The following SHCBP1 variants were observed in gnomAD, a reference collection of about 807,000 sequenced individuals.
The protein encoded by SHCBP1 is SHC binding and spindle associated 1.
A neutral mutation model predicts 75.1 loss-of-function variants in SHCBP1; 60 were observed. The ratio of observed to expected loss-of-function variants is 0.80; its 90% CI spans 0.65 to 0.99. The LOEUF (loss-of-function observed/expected upper bound fraction) is 0.99, where lower values mean the gene tolerates loss of function less well. Among genes scored for constraint, SHCBP1 ranks in the 50% least tolerant of loss-of-function variants. The pLI is 0.00. For missense variants in SHCBP1, 709 were observed against 809.4 expected, an observed-to-expected ratio of 0.88 and a Z score of 1.50; for synonymous variants, 290 against 293.2, an observed-to-expected ratio of 0.99 and a Z score of 0.11.
rs190062727 is a variant in SHCBP1 at position 46,600,298 on chromosome 16, C to G, written c.1214-336G>C. 2.6e-4 allele frequency among the ~76,000 whole-genome samples: 39 copies of G among 152,252 alleles called. 1 individual carries two copies. The highest frequency in any genetic ancestry group is 2.5e-3 in the Admixed American group (39 of 15,296). Reference sequence around the variant, plus strand: ...CCTAGGCAACACAGTGAGATTCCATCTCTACAAAAACCAAAAAAATTAGTC... The same window carrying G: ...CCTAGGCAACACAGTGAGATTCCATGTCTACAAAAACCAAAAAAATTAGTC... On this transcript the variant is annotated intron_variant, in intron 8 of 12. Transcript: ENST00000303383.
intron 10 of SHCBP1, among the ~76,000 whole-genome samples, chr16:46,587,395 A>C (rs557131145): frequency 1.3e-5 from 2 of 152,322 alleles, no homozygotes; most frequent in South Asian, 4.1e-4. Flanking sequence ...TAACAAACAG[A>C]AAACACGAAA....
In SHCBP1 at chr16:46,580,143, A is replaced by AT. The variant is rs558338612; in HGVS notation, c.*1585dup. ...CCATCTCAAAAAAAAAAAAAAAGTGATTTTTTTTTAAGTTGAATAAATGGT... is the reference window on the plus strand; with the variant it reads ...CCATCTCAAAAAAAAAAAAAAAGTGATTTTTTTTTTAAGTTGAATAAATGGT... On this transcript the variant is annotated 3_prime_UTR_variant, in exon 13 of 13. Coordinates refer to ENST00000303383, the MANE Select transcript of SHCBP1 (RefSeq NM_024745.5). Among the ~76,000 whole-genome samples the AT allele has an allele frequency of 1.2e-3, 178 of 150,046 alleles. 1 individual carries two copies. Among genetic ancestry groups the AT allele is most frequent in the Admixed American group, 1.1e-3 (16 of 14,992 alleles).
Position 46,614,133 on chromosome 16 carries a change from C to T in SHCBP1, c.596+1813G>A, listed in dbSNP as rs116770618. ...AGTTATTTTGGTTCTGGACAGAAACCGGTTCTTTAGATTCATTCTGCTTGG... is the reference window on the plus strand; with the variant it reads ...AGTTATTTTGGTTCTGGACAGAAACTGGTTCTTTAGATTCATTCTGCTTGG... On this transcript the variant is annotated intron_variant, in intron 4 of 12. Coordinates refer to ENST00000303383, the MANE Select transcript of SHCBP1 (RefSeq NM_024745.5). 5.0e-3 allele frequency among the ~76,000 whole-genome samples: 754 copies of T among 151,920 alleles called. 2 individuals carry two copies. The highest frequency in any genetic ancestry group is 0.017 in the African/African-American group (710 of 41,398).
chr16:46,594,676 C>T (rs1965106452), intron 10 of SHCBP1, among the ~76,000 whole-genome samples: 1 of 151,806 alleles, frequency 6.6e-6, no homozygotes, highest in Non-Finnish European at 1.5e-5. Flanking sequence ...AACATTTTAG[C>T]GGTTTCTTTA....
chr16:46,605,875 G>A (rs930169604), intron 5 of SHCBP1, among the ~76,000 whole-genome samples: 1 of 151,196 alleles, frequency 6.6e-6, no homozygotes, highest in Middle Eastern at 3.4e-3. Flanking sequence ...AACTTTTCCC[G>A]CTTTTCAAGT....
At chr16:46,611,295 G>A (rs886298243) in intron 4 of SHCBP1, among the ~76,000 whole-genome samples, 3 of 152,188 alleles carry the variant, frequency 2.0e-5, no homozygotes, top group Non-Finnish European at 4.4e-5. Flanking sequence ...ACAAATTACT[G>A]TCAAACAAAA....
rs538879057 is a variant in SHCBP1, at chr16:46,612,710, C to T, written c.596+3236G>A. On this transcript the variant is annotated intron_variant, in intron 4 of 12. Coordinates refer to ENST00000303383, the MANE Select transcript of SHCBP1 (RefSeq NM_024745.5). Reference sequence around the variant, plus strand: ...TCAAGCTGCCAGAAGTGCCTTCCACCTTTTCCACCTGGTAAGCTTATAGTT... The same window carrying T: ...TCAAGCTGCCAGAAGTGCCTTCCACTTTTTCCACCTGGTAAGCTTATAGTT... Among the ~76,000 whole-genome samples, 3 of 152,270 alleles carry T rather than the reference C, an allele frequency of 2.0e-5. No individual in the cohort carries two copies. The East Asian group carries it at 5.8e-4, about 29-fold the overall frequency.
intron 4 of SHCBP1, among the ~76,000 whole-genome samples, chr16:46,615,415 A>C (rs563348729): frequency 6.6e-6 from 1 of 152,174 alleles, no homozygotes; most frequent in Non-Finnish European, 1.5e-5. Context: ...CAGCTTTTCT[A>C]TAAGTTTGAA....
At chr16:46,585,965 C>T (rs1964949896) in intron 10 of SHCBP1, among the ~76,000 whole-genome samples, 1 of 152,188 alleles carries the variant, frequency 6.6e-6, no homozygotes. Flanking sequence ...CAAGATGATA[C>T]CCATCTACCG....
Position 46,618,346 on chromosome 16 carries a change from T to C in SHCBP1, c.130A>G (p.Ser44Gly), listed in dbSNP as rs992649575. 16 of 1,602,524 alleles carry C rather than the reference T, an allele frequency of 1.0e-5. No homozygotes were observed. Among genetic ancestry groups the C allele is most frequent in the Non-Finnish European group, 1.4e-5 (16 of 1,176,918 alleles). ...KGLFQDEDSC[S>G]DCSYRDKPGS... is the part of the protein sequence containing the mutation. ...GGTTTATCACGGTAGCTACAATCAC[T>C]GCATGAATCTTCATCTTGGAACAAA... Residue 44 changes from serine (S) to glycine (G), a missense_variant, in exon 2 of 13, where the codon AGT (serine) becomes GGT (glycine). Physicochemically the swap from Ser to Gly is moderately conservative, Grantham distance 56. Transcript: ENST00000303383.
At chr16:46,588,209 A>C (rs1461892733) in intron 10 of SHCBP1, among the ~76,000 whole-genome samples, 1 of 152,226 alleles carries the variant, frequency 6.6e-6, no homozygotes, top group Non-Finnish European at 1.5e-5. Context: ...TGCCCACAAG[A>C]GAAAGCAGGA....
At chr16:46,619,648 A>G (rs1488460983) in intron 1 of SHCBP1, among the ~76,000 whole-genome samples, 1 of 152,266 alleles carries the variant, frequency 6.6e-6, no homozygotes, top group Non-Finnish European at 1.5e-5. Context: ...AAGAAATAGT[A>G]GTACTTCAGC....
Position 46,604,074 on chromosome 16 carries a change from G to A in SHCBP1, c.993C>T (p.Ile331=). 3 of 1,614,166 alleles carry A rather than the reference G, an allele frequency of 1.9e-6. No individual in the cohort carries two copies. Among genetic ancestry groups the A allele is most frequent in the South Asian group, 1.1e-5 (1 of 91,086 alleles). ...TCATGGTGGAGGAGACCACATGAGT[G>A]ATCTTCTGACCGCTGGAACGGACAC... The part of the protein sequence containing the change: ...AKGVRSSGQK[I]THVVSSTMMA... The change falls in exon 7 of 13, where the codon ATC becomes ATT. Residue 331 remains isoleucine, a synonymous_variant. Transcript: ENST00000303383.
chr16:46,583,800 T>C, intron 11 of SHCBP1, 143 bp from the exon 12 acceptor site: 1 of 1,043,452 alleles, frequency 9.6e-7, no homozygotes, highest in Non-Finnish European at 1.4e-6. Context: ...GCACCCTTAG[T>C]GACACAGCTT....
intron 3 of SHCBP1, among the ~76,000 whole-genome samples, chr16:46,617,286 AAAAT>A (rs1285794268): frequency 6.6e-6 from 1 of 152,236 alleles, no homozygotes; most frequent in African/African-American, 2.4e-5. Context: ...CATCTTAAAA[AAAAT>A]AAATAAATAA....
At chr16:46,611,598 T>C (rs1013973369) in intron 4 of SHCBP1, among the ~76,000 whole-genome samples, 2 of 152,254 alleles carry the variant, frequency 1.3e-5, no homozygotes, top group African/African-American at 4.8e-5. Flanking sequence ...AAGATTAGAA[T>C]TGTTTGGGGT....
intron 9 of SHCBP1, 68 bp from the exon 10 acceptor site, chr16:46,595,738 C>T (rs943249973): frequency 3.6e-6 from 4 of 1,101,728 alleles, no homozygotes; most frequent in Admixed American, 1.9e-5. Context: ...GAGATAGCCT[C>T]GCGCTGACAT....
intron 9 of SHCBP1, among the ~76,000 whole-genome samples, chr16:46,599,009 T>C (rs765615010): frequency 3.9e-5 from 6 of 152,204 alleles, no homozygotes; most frequent in Non-Finnish European, 5.9e-5. Flanking sequence ...TTGAAGGAAG[T>C]TAGGGTTCTG....
At chr16:46,587,225 T>G (rs1048796768) in intron 10 of SHCBP1, among the ~76,000 whole-genome samples, 3 of 152,128 alleles carry the variant, frequency 2.0e-5, no homozygotes, top group Admixed American at 1.3e-4. Context: ...TTACTTGAAC[T>G]GGTGACACCA....
Sources: allele counts gnomAD v4.1 joint callset (sites outside exome capture counted in the v4.1 genomes callset), GRCh38; gene constraint gnomAD v4.1.1; transcripts MANE v1.5; gene names NCBI Gene and HGNC (gene_info 2026-07-23, HGNC 2026-07-21).